The following ZNF479 variants were observed in gnomAD, a reference collection of about 807,000 sequenced individuals.
ZNF479 encodes the protein zinc finger protein 479, also known as KRAB zinc finger protein KR19.
A neutral mutation model predicts 14.7 loss-of-function variants in ZNF479; 15 were observed. The ratio of observed to expected loss-of-function variants is 1.02; its 90% CI spans 0.68 to 1.57. ZNF479 has a LOEUF of 1.57. Among genes scored for constraint, ZNF479 ranks in the 40% most tolerant of loss-of-function variants. The pLI, the probability that ZNF479 is intolerant of heterozygous loss-of-function variation, is 0.00. For synonymous variants in ZNF479, 145 were observed against 211.5 expected (o/e 0.69, Z 2.73); for missense variants, 506 against 615.1 (o/e 0.82, Z 1.88).
rs528659860 is a variant in ZNF479, at chr7:57,138,332, T to C, written c.-15+1276A>G. 3.3e-5 allele frequency among the ~76,000 whole-genome samples: 5 copies of C among 152,312 alleles called. No homozygotes were observed. In the East Asian group the frequency reaches 9.6e-4, roughly 29 times the overall value. Reference sequence around the variant, plus strand: ...ACTCATGTATATTCTATAAAGTCTTTGAGTGATAAAAAGAGTGTTAAAACA... The same window carrying C: ...ACTCATGTATATTCTATAAAGTCTTCGAGTGATAAAAAGAGTGTTAAAACA... On this transcript the variant is annotated intron_variant, in intron 1 of 4. Coordinates refer to the ZNF479 transcript ENST00000331162.
Position 57,119,796 on chromosome 7 carries a change from A to G in ZNF479, c.*44T>C. On this transcript the variant is annotated 3_prime_UTR_variant, in exon 4 of 4. Transcript: ENST00000319636. ...ATTTGTAGTGTTTTTTTCCAGTGTA[A>G]ATTATTTTATGTATTATAAGGCCTG... is the stretch of plus-strand genomic sequence containing the variant. The G allele has an allele frequency of 6.6e-7, 1 of 1,504,632 alleles. No homozygotes were observed. Among genetic ancestry groups the G allele is most frequent in the Non-Finnish European group, 9.0e-7 (1 of 1,107,318 alleles). 93.2% of individuals were successfully genotyped at this position (1,504,632 alleles called of 1,614,324 possible).
chr7:57,133,838 C>T (rs1373754289), upstream of ZNF479, among the ~76,000 whole-genome samples: 1 of 152,088 alleles, frequency 6.6e-6, no homozygotes, highest in African/African-American at 2.4e-5. Flanking sequence ...AGCACCCCAG[C>T]CTGGCAACAG....
At chr7:57,136,781 T>C (rs1040546770), upstream of ZNF479, among the ~76,000 whole-genome samples, 3 of 152,164 alleles carry the variant, frequency 2.0e-5, no homozygotes, top group African/African-American at 7.2e-5. Context: ...TGTGTGAATA[T>C]TTGTTGATTC....
chr7:57,131,142 A>G (rs1479651074), intron 1 of ZNF479, among the ~76,000 whole-genome samples: 1 of 152,166 alleles, frequency 6.6e-6, no homozygotes, highest in East Asian at 1.9e-4. Flanking sequence ...AAAATCAGAA[A>G]ACAAATCTGT....
chr7:57,119,950 C>T lies in ZNF479; in HGVS notation c.1465G>A (p.Gly489Arg). 4.3e-6 allele frequency: 7 copies of T among 1,613,964 alleles called. No homozygotes were observed. The highest frequency in any genetic ancestry group is 4.2e-6 in the Non-Finnish European group (5 of 1,179,958). ...TLMQHKRIHTGEKPYKCEECE... is the reference protein window; with the variant it reads ...TLMQHKRIHTREKPYKCEECE... ...TCTTCACATTTGTAGGGTTTCTCTC[C>T]AGTATGAATTCTCTTATGTTGCATA... Residue 489 changes from glycine to arginine, a missense_variant, in exon 4 of 4, where the codon GGA becomes AGA. Physicochemically the swap from Gly to Arg is moderately radical, Grantham distance 125 (BLOSUM62 -2). Transcript: ENST00000319636.
At chr7:57,125,527 A>G (rs13235192) in intron 3 of ZNF479, among the ~76,000 whole-genome samples, 1 of 151,372 alleles carries the variant, frequency 6.6e-6, no homozygotes, top group East Asian at 1.9e-4. Context: ...AAAAATTAAA[A>G]AATTTGTAAA....
upstream of ZNF479, among the ~76,000 whole-genome samples, chr7:57,132,782 T>G (rs1189961404): frequency 6.6e-6 from 1 of 152,232 alleles, no homozygotes; most frequent in Non-Finnish European, 1.5e-5. Flanking sequence ...TGACCTTCCT[T>G]GCTGCGGATC....
intron 3 of ZNF479, among the ~76,000 whole-genome samples, chr7:57,125,453 G>A (rs947435229): frequency 2.6e-5 from 4 of 151,314 alleles, no homozygotes; most frequent in African/African-American, 9.6e-5. Context: ...AAGGTACCCT[G>A]CTTGCATATC....
Position 57,132,417 on chromosome 7 carries a change from G to A in ZNF479, c.-93C>T. 6.3e-7 allele frequency: 1 copy of A among 1,597,952 alleles called. No individual in the cohort carries two copies. Among genetic ancestry groups the A allele is most frequent in the African/African-American group, 1.3e-5 (1 of 74,596 alleles). On this transcript the variant is annotated 5_prime_UTR_variant, in exon 1 of 4. Transcript: ENST00000319636. ...CAGTGAAGAGGAGAACTGCAGCTCT[G>A]GACGCAGAGAAACACAAAGGACCCG... is the stretch of plus-strand genomic sequence containing the variant.
At chr7:57,124,353 G>A (rs1786069578) in intron 3 of ZNF479, among the ~76,000 whole-genome samples, 1 of 152,206 alleles carries the variant, frequency 6.6e-6, no homozygotes, top group Non-Finnish European at 1.5e-5. Flanking sequence ...AGTTTGCCAT[G>A]AGCAGACAAT....
chr7:57,124,163 A>T (rs1169332002), intron 3 of ZNF479, among the ~76,000 whole-genome samples: 1 of 152,050 alleles, frequency 6.6e-6, no homozygotes, highest in Non-Finnish European at 1.5e-5. Flanking sequence ...TATGAACCAA[A>T]TCTAGAGAAA....
intron 3 of ZNF479, among the ~76,000 whole-genome samples, 198 bp from the exon 4 acceptor site, chr7:57,121,350 AAAGT>A (rs1310334100): frequency 6.6e-6 from 1 of 152,242 alleles, no homozygotes; most frequent in Non-Finnish European, 1.5e-5. Flanking sequence ...ATTTATAAAT[AAAGT>A]AAGTGTGTGC....
At chr7:57,125,333 A>G (rs2115870267) in intron 3 of ZNF479, among the ~76,000 whole-genome samples, 1 of 152,134 alleles carries the variant, frequency 6.6e-6, no homozygotes, top group Admixed American at 6.5e-5. Context: ...CCATCATAAA[A>G]ACATCATAAG....
At chr7:57,125,493 C>G (rs1459210557) in intron 3 of ZNF479, among the ~76,000 whole-genome samples, 2 of 150,500 alleles carry the variant, frequency 1.3e-5, no homozygotes, top group Non-Finnish European at 3.0e-5. Flanking sequence ...GATAACCAAG[C>G]CTCTAAATAA....
chr7:57,125,798 T>C (rs201204691), intron 3 of ZNF479, among the ~76,000 whole-genome samples: 1 of 151,128 alleles, frequency 6.6e-6, no homozygotes, highest in Non-Finnish European at 1.5e-5. Flanking sequence ...CACTGTGAAC[T>C]TGAAGAAAGA....
upstream of ZNF479, among the ~76,000 whole-genome samples, chr7:57,134,473 C>A (rs995750575): frequency 2.0e-5 from 3 of 152,120 alleles, no homozygotes; most frequent in Admixed American, 1.3e-4. Flanking sequence ...TTGCCCATGC[C>A]TTTCTTGTAA....
chr7:57,136,717 G>A (rs751358872), upstream of ZNF479, among the ~76,000 whole-genome samples: 2 of 152,142 alleles, frequency 1.3e-5, no homozygotes, highest in Non-Finnish European at 2.9e-5. Context: ...GTGGCAGCCC[G>A]GGTTCAGGGT....
chr7:57,127,079 G>T (rs574657166), intron 1 of ZNF479, among the ~76,000 whole-genome samples: 3 of 148,250 alleles, frequency 2.0e-5, no homozygotes, highest in Non-Finnish European at 1.5e-5. Flanking sequence ...CTGGAGTGCA[G>T]TGGTATGATC....
chr7:57,131,455 C>T (rs1786413037), intron 1 of ZNF479, among the ~76,000 whole-genome samples: 2 of 151,466 alleles, frequency 1.3e-5, no homozygotes, highest in Admixed American at 6.6e-5. Context: ...TCCAGCCACT[C>T]GGGAGGCTAA....
Sources: gnomAD v4.1 joint callset for allele counts (sites outside exome capture counted in the v4.1 genomes callset) on GRCh38, gnomAD v4.1.1 for gene constraint, MANE v1.5 for transcripts, NCBI Gene and HGNC (gene_info 2026-07-23, HGNC 2026-07-21) for gene names.